Variants in LPAR6 observed in about 807,000 individuals in gnomAD.
LPAR6 encodes lysophosphatidic acid receptor 6, also known as G-protein coupled purinergic receptor P2Y5.
LPAR6 carries 17 observed loss-of-function variants against 22.0 expected under a neutral mutation model. The ratio of observed to expected loss-of-function variants is 0.77; its 90% CI spans 0.53 to 1.16. The LOEUF is 1.16. Among genes scored for constraint, LPAR6 ranks in the 50% most tolerant of loss-of-function variants. The pLI, the probability that LPAR6 is intolerant of heterozygous loss-of-function variation, is 0.00. For synonymous variants in LPAR6, 136 were observed against 139.8 expected, an observed-to-expected ratio of 0.97 and a Z score of 0.19; for missense variants, 384 against 406.9, an observed-to-expected ratio of 0.94 and a Z score of 0.48.
At chr13:48,440,061 A>G (rs531225920) in intron 1 of LPAR6, among the ~76,000 whole-genome samples, 1 of 152,254 alleles carries the variant, frequency 6.6e-6, no homozygotes, top group East Asian at 1.9e-4. Context: ...GGATTACATT[A>G]GAATCTGCTT....
chr13:48,417,835 A>G (rs1377032897), upstream of LPAR6, among the ~76,000 whole-genome samples: 1 of 152,198 alleles, frequency 6.6e-6, no homozygotes, highest in Admixed American at 6.5e-5. Context: ...AGGAAAAAGA[A>G]TGAAAAGAAA....
chr13:48,428,918 A>G (rs1456890896), upstream of LPAR6, among the ~76,000 whole-genome samples: 3 of 152,218 alleles, frequency 2.0e-5, no homozygotes, highest in Non-Finnish European at 2.9e-5. Context: ...ATTGACTTGT[A>G]TCTTTTACCT....
intron 1 of LPAR6, chr13:48,422,916 G>A (rs552122770): frequency 6.6e-6 from 1 of 152,304 alleles, no homozygotes; most frequent in South Asian, 2.1e-4. Flanking sequence ...TGAGATGAGA[G>A]GATCACTTGA....
chr13:48,436,055 G>A (rs1426112015), intron 1 of LPAR6, among the ~76,000 whole-genome samples: 2 of 152,182 alleles, frequency 1.3e-5, no homozygotes, highest in African/African-American at 4.8e-5. Flanking sequence ...AAGGATGAAT[G>A]AAAAGATTAG....
In LPAR6 at chr13:48,393,997, G is replaced by A. The variant is rs1445036486; in HGVS notation, n.115-4185C>T. On this transcript the variant is annotated intron_variant and non_coding_transcript_variant, in intron 1 of 1. Coordinates refer to the LPAR6 transcript ENST00000462781. ...ATAGGAACAGCTCTGGTCTGCAGCT[G>A]CCAGCGAGATCAACCCAGAAGGCAG... Among the ~76,000 whole-genome samples, 3 of 152,128 alleles carry A rather than the reference G, an allele frequency of 2.0e-5. No homozygotes were observed. The East Asian group carries it at 5.8e-4, about 29-fold the overall frequency.
Position 48,412,763 on chromosome 13 carries a change from T to A in LPAR6, c.-340A>T, listed in dbSNP as rs984402528. On this transcript the variant is annotated 5_prime_UTR_variant, in exon 1 of 1. Coordinates refer to ENST00000620633, the MANE Select transcript of LPAR6 (RefSeq NM_001162498.3). Reference sequence around the variant, plus strand: ...TTATAAATTTAAAGAAAAGCTGTGATCTGTGACCAGAATGAAACCACTTGT... The same window carrying A: ...TTATAAATTTAAAGAAAAGCTGTGAACTGTGACCAGAATGAAACCACTTGT... 1.8e-5 allele frequency: 6 copies of A among 331,176 alleles called. No homozygotes were observed. The Admixed American group carries it at 2.8e-4, about 15-fold the overall frequency. 20.5% of individuals were successfully genotyped at this position (331,176 alleles called of 1,614,324 possible). A position where few individuals can be genotyped will look rare whatever the true frequency, so the allele number is the denominator to read the frequency against.
At chr13:48,420,165 G>A (rs911708508) in intron 2 of LPAR6, among the ~76,000 whole-genome samples, 1 of 152,134 alleles carries the variant, frequency 6.6e-6, no homozygotes. Flanking sequence ...TGAATCCATA[G>A]CACATCAAAA....
chr13:48,415,791 G>A (rs922059388), upstream of LPAR6: 7 of 152,186 alleles, frequency 4.6e-5, no homozygotes, highest in African/African-American at 1.7e-4. Context: ...TTCTACTGAG[G>A]AAGAGCCATA....
intron 1 of LPAR6, among the ~76,000 whole-genome samples, chr13:48,436,013 C>G (rs963253242): frequency 1.3e-5 from 2 of 152,062 alleles, no homozygotes; most frequent in African/African-American, 4.8e-5. Flanking sequence ...TAAAAGAAAT[C>G]TATTGTAAAT....
At chr13:48,415,135 T>G (rs1566214845), upstream of LPAR6, among the ~76,000 whole-genome samples, 1 of 152,160 alleles carries the variant, frequency 6.6e-6, no homozygotes, top group Non-Finnish European at 1.5e-5. Context: ...ACTTTTACTT[T>G]CATTTTGAAT....
chr13:48,442,811 C>T (rs143102348), intron 1 of LPAR6, among the ~76,000 whole-genome samples: 153 of 152,188 alleles, frequency 1.0e-3, no homozygotes, highest in African/African-American at 3.6e-3. Flanking sequence ...TTTCTTTAAA[C>T]AATATTTTAA....
chr13:48,411,444 T>C lies in LPAR6; in HGVS notation c.980A>G (p.Gln327Arg), dbSNP rs751208139. 1 of 1,613,382 alleles carries C rather than the reference T, an allele frequency of 6.2e-7. No homozygotes were observed. The highest frequency in any genetic ancestry group is 1.1e-5 in the South Asian group (1 of 91,048). The change falls in exon 1 of 1, where the codon CAG (glutamine) becomes CGG (arginine). Residue 327 changes from glutamine to arginine, a missense_variant. Gln to Arg is a conservative substitution (Grantham distance 43). Coordinates refer to ENST00000620633, the MANE Select transcript of LPAR6 (RefSeq NM_001162498.3). ...ACTTTTTAAGGTCTGTAGGTTATGC[T>C]GAATAAAATTCTCTGCACCATGAAC... ...SEVHGAENFIQHNLQTLKSKI... is the reference protein window; with the variant it reads ...SEVHGAENFIRHNLQTLKSKI...
intron 1 of LPAR6, among the ~76,000 whole-genome samples, chr13:48,393,652 G>A (rs980764257): frequency 6.6e-6 from 1 of 152,128 alleles, no homozygotes; most frequent in African/African-American, 2.4e-5. Context: ...AATATTTAGG[G>A]TATCATTTCC....
chr13:48,400,979 A>T (rs2058381848), intron 1 of LPAR6, among the ~76,000 whole-genome samples: 1 of 152,104 alleles, frequency 6.6e-6, no homozygotes, highest in South Asian at 2.1e-4. Flanking sequence ...AAATGGAAAA[A>T]GTTCAGGGGG....
intron 2 of LPAR6, among the ~76,000 whole-genome samples, chr13:48,419,465 C>T (rs1264832293): frequency 6.6e-6 from 1 of 151,996 alleles, no homozygotes; most frequent in Non-Finnish European, 1.5e-5. Flanking sequence ...CCTAACATCA[C>T]AATTAAAAGA....
chr13:48,401,211 T>G (rs527462552), intron 1 of LPAR6: 1 of 152,182 alleles, frequency 6.6e-6, no homozygotes, highest in Non-Finnish European at 1.5e-5. Context: ...GAAGCACATA[T>G]ACTCTTATTC....
At chr13:48,398,374 T>G (rs1948664426) in intron 1 of LPAR6, among the ~76,000 whole-genome samples, 1 of 152,114 alleles carries the variant, frequency 6.6e-6, no homozygotes, top group Non-Finnish European at 1.5e-5. Context: ...ACTTCATTAT[T>G]CAAAACTGAA....
At chr13:48,442,443 T>C (rs1949247572) in intron 1 of LPAR6, among the ~76,000 whole-genome samples, 1 of 152,200 alleles carries the variant, frequency 6.6e-6, no homozygotes, top group Non-Finnish European at 1.5e-5. Context: ...TTATTCATTT[T>C]GCAAATATTC....
chr13:48,426,633 CAGTCACTCA>C (rs1949083230), intron 1 of LPAR6: 1 of 152,214 alleles, frequency 6.6e-6, no homozygotes, highest in South Asian at 2.1e-4. Context: ...GCTCTCCTTC[CAGTCACTCA>C]AGTACAACTT....
Sources: allele counts gnomAD v4.1 joint callset (sites outside exome capture counted in the v4.1 genomes callset), GRCh38; gene constraint gnomAD v4.1.1; transcripts MANE v1.5; gene names NCBI Gene and HGNC (gene_info 2026-07-23, HGNC 2026-07-21).